SGCD: variants seen among roughly 807,000 people sequenced by gnomAD.
SGCD encodes sarcoglycan delta.
Under a neutral mutation model 36.6 loss-of-function variants are expected in SGCD, and 18 were observed. The ratio of observed to expected loss-of-function variants is 0.49; its 90% CI spans 0.34 to 0.73. SGCD has a LOEUF of 0.73. Ranked by LOEUF, SGCD falls within the 30% of genes least tolerant of loss-of-function variation. The probability of loss-of-function intolerance (pLI) is 0.01; values close to 1 mark genes in which losing one functional copy is unlikely to be tolerated. For synonymous variants in SGCD, 133 were observed against 130.6 expected, an observed-to-expected ratio of 1.02 and a Z score of -0.12; for missense variants, 387 against 346.7, an observed-to-expected ratio of 1.12 and a Z score of -0.92.
At chr5:156,634,389 A>G (rs1049708831) in intron 6 of SGCD, among the ~76,000 whole-genome samples, 1 of 152,192 alleles carries the variant, frequency 6.6e-6, no homozygotes, top group East Asian at 1.9e-4. Context: ...CAACCTGCAC[A>G]TCCTTGCACA....
intron 1 of SGCD, among the ~76,000 whole-genome samples, chr5:156,000,987 A>G (rs1581035940): frequency 6.6e-6 from 1 of 152,218 alleles, no homozygotes; most frequent in South Asian, 2.1e-4. Flanking sequence ...TAATTCTCAC[A>G]TGAACTTTTG....
intron 3 of SGCD, among the ~76,000 whole-genome samples, chr5:156,237,507 C>T (rs1765196631): frequency 6.6e-6 from 1 of 152,058 alleles, no homozygotes; most frequent in African/African-American, 2.4e-5. Flanking sequence ...GGCCTGTAGT[C>T]CCACCTACGT....
chr5:156,267,507 C>T (rs570263556), intron 3 of SGCD, among the ~76,000 whole-genome samples: 1 of 152,344 alleles, frequency 6.6e-6, no homozygotes, highest in African/African-American at 2.4e-5. Flanking sequence ...CCAAGGCTTT[C>T]TAGCGGTTTT....
the SGCD span, among the ~76,000 whole-genome samples, chr5:155,820,650 T>C: frequency 1.3e-5 from 2 of 152,042 alleles, no homozygotes; most frequent in African/African-American, 2.4e-5. Flanking sequence ...TGAGCTGTGA[T>C]TGTGGCTCTG....
intron 6 of SGCD, among the ~76,000 whole-genome samples, chr5:156,637,438 A>T (rs1206738334): frequency 1.3e-5 from 2 of 152,134 alleles, no homozygotes; most frequent in Non-Finnish European, 2.9e-5. Context: ...TCTTTTTCTC[A>T]TGGTCAGAAG....
intron 7 of SGCD, among the ~76,000 whole-genome samples, chr5:156,728,025 C>T (rs1430061642): frequency 6.6e-6 from 1 of 152,180 alleles, no homozygotes; most frequent in Non-Finnish European, 1.5e-5. Context: ...CAATTATCCT[C>T]CCCACAATCC....
chr5:155,746,429 C>T, the SGCD span, among the ~76,000 whole-genome samples: 1 of 152,066 alleles, frequency 6.6e-6, no homozygotes, highest in Admixed American at 6.6e-5. Flanking sequence ...AGTGGGCTGA[C>T]AGTAGCAGCC....
chr5:156,740,882 G>A (rs950395010), intron 7 of SGCD, among the ~76,000 whole-genome samples: 5 of 152,190 alleles, frequency 3.3e-5, no homozygotes, highest in African/African-American at 1.2e-4. Flanking sequence ...CCCAAGTGCA[G>A]CTGCTTTAAT....
intron 3 of SGCD, among the ~76,000 whole-genome samples, chr5:156,235,394 A>G (rs1365260824): frequency 6.6e-6 from 1 of 152,216 alleles, no homozygotes; most frequent in African/African-American, 2.4e-5. Context: ...TTTTTAAAAA[A>G]TGTGTTTTGG....
At chr5:156,641,528 T>C (rs1255915267) in intron 6 of SGCD, among the ~76,000 whole-genome samples, 1 of 152,246 alleles carries the variant, frequency 6.6e-6, no homozygotes, top group African/African-American at 2.4e-5. Flanking sequence ...ACTTTCATTG[T>C]CATGGTTCTT....
intron 1 of SGCD, among the ~76,000 whole-genome samples, chr5:156,036,042 A>G (rs1294108371): frequency 1.3e-5 from 2 of 152,216 alleles, no homozygotes; most frequent in Non-Finnish European, 2.9e-5. Context: ...AATCCTTTAA[A>G]GGCTTTTGTG....
intron 3 of SGCD, among the ~76,000 whole-genome samples, chr5:156,242,111 T>C (rs1254628496): frequency 6.6e-6 from 1 of 152,218 alleles, no homozygotes; most frequent in Non-Finnish European, 1.5e-5. Context: ...ACAATCCATA[T>C]GTCCTTCAGT....
At chr5:156,606,470 C>T (rs1761460280) in intron 6 of SGCD, among the ~76,000 whole-genome samples, 1 of 152,174 alleles carries the variant, frequency 6.6e-6, no homozygotes, top group Admixed American at 6.5e-5. Flanking sequence ...AGTTTGATGT[C>T]AGGTAGCATG....
At chr5:156,741,996 C>T (rs1431748432) in intron 7 of SGCD, among the ~76,000 whole-genome samples, 2 of 152,140 alleles carry the variant, frequency 1.3e-5, no homozygotes, top group African/African-American at 4.8e-5. Flanking sequence ...CTGCCTCAGC[C>T]TCCTGAGTAG....
chr5:155,823,584 G>C, the SGCD span, among the ~76,000 whole-genome samples: 254 of 152,236 alleles, frequency 1.7e-3, 2 homozygotes, highest in African/African-American at 5.9e-3. Context: ...TTGGGAATCC[G>C]CCCATGAGCT....
intron 7 of SGCD, among the ~76,000 whole-genome samples, chr5:156,651,959 G>T (rs184430721): frequency 6.6e-6 from 1 of 152,116 alleles, no homozygotes; most frequent in African/African-American, 2.4e-5. Context: ...TGTTTCAGTT[G>T]TGTTTTATAG....
At chr5:156,073,953 G>C (rs923961394) in intron 1 of SGCD, among the ~76,000 whole-genome samples, 4 of 152,170 alleles carry the variant, frequency 2.6e-5, no homozygotes, top group Non-Finnish European at 4.4e-5. Context: ...CCATTTCATG[G>C]AAGAAGGACA....
At chr5:156,032,402 T>A (rs188009136) in intron 1 of SGCD, among the ~76,000 whole-genome samples, 19 of 151,908 alleles carry the variant, frequency 1.3e-4, no homozygotes, top group Non-Finnish European at 2.8e-4. Flanking sequence ...AACTTTTAGA[T>A]ACATTGTCAA....
At chr5:156,590,293 C>T (rs867085525) in intron 5 of SGCD, among the ~76,000 whole-genome samples, 5 of 152,224 alleles carry the variant, frequency 3.3e-5, no homozygotes, top group Middle Eastern at 3.4e-3. Context: ...GAGGGAGCCT[C>T]ACTCCCACTC....
Sources: gnomAD v4.1 joint callset for allele counts (sites outside exome capture counted in the v4.1 genomes callset) on GRCh38, gnomAD v4.1.1 for gene constraint, MANE v1.5 for transcripts, NCBI Gene and HGNC (gene_info 2026-07-23, HGNC 2026-07-21) for gene names.